The following LIPK variants were observed in gnomAD, a reference collection of about 807,000 sequenced individuals.
LIPK encodes lipase family member K, also known as lipase member K.
A neutral mutation model predicts 48.6 loss-of-function variants in LIPK; 32 were observed. The ratio of observed to expected loss-of-function variants is 0.66; its 90% confidence interval spans 0.50 to 0.88. The LOEUF (loss-of-function observed/expected upper bound fraction) is 0.88. Ranked by LOEUF, LIPK falls within the 40% of genes least tolerant of loss-of-function variation. LIPK has a pLI of 0.00. For missense variants in LIPK, 507 were observed against 478.5 expected (o/e 1.06, Z -0.56); for synonymous variants, 164 against 157.4 (o/e 1.04, Z -0.32).
intron 9 of LIPK, among the ~76,000 whole-genome samples, chr10:88,749,406 A>G (rs1315595467): frequency 1.3e-5 from 2 of 152,242 alleles, no homozygotes; most frequent in Non-Finnish European, 2.9e-5. Context: ...TATTGGTACA[A>G]AAACAGACAC....
intron 1 of LIPK, among the ~76,000 whole-genome samples, chr10:88,712,657 T>C (rs981391377): frequency 6.6e-6 from 1 of 152,148 alleles, no homozygotes; most frequent in Non-Finnish European, 1.5e-5. Context: ...AACACATACA[T>C]CAGCTTAGCC....
intron 9 of LIPK, among the ~76,000 whole-genome samples, chr10:88,746,270 A>G (rs400659): frequency 0.24 from 36,422 of 152,030 alleles, 4,518 homozygotes; most frequent in East Asian, 0.37. Flanking sequence ...ACACCTAACC[A>G]AATAGACTGA....
intron 1 of LIPK, among the ~76,000 whole-genome samples, chr10:88,720,715 G>GCACACACACA (rs3068334): frequency 0.044 from 6,625 of 150,144 alleles, 164 homozygotes; most frequent in African/African-American, 0.063. Flanking sequence ...CAAGTTTTAT[G>GCACACACACA]CACACACACA....
intron 7 of LIPK, among the ~76,000 whole-genome samples, chr10:88,738,976 T>C (rs1477457062): frequency 6.6e-6 from 1 of 152,238 alleles, no homozygotes; most frequent in African/African-American, 2.4e-5. Flanking sequence ...TTTGGATAGC[T>C]TATAAGTAGG....
In LIPK at chr10:88,726,874, A is replaced by G; in HGVS notation, c.185A>G (p.Tyr62Cys). The change falls in exon 3 of 10, where the codon TAT (tyrosine) becomes TGT (cysteine). Residue 62 changes from tyrosine to cysteine, a missense_variant. By Grantham distance (194) the Tyr-to-Cys change is radical. Transcript: ENST00000404190. ...TTKDGYILGIYRIPHGRGCPG... is the reference protein window; with the variant it reads ...TTKDGYILGICRIPHGRGCPG... The stretch of plus-strand genomic sequence containing the variant: ...AAAGATGGTTATATCCTTGGAATTT[A>G]TAGGATTCCACATGGAAGAGGATGC... 1.2e-6 allele frequency: 2 copies of G among 1,604,152 alleles called. No homozygotes were observed. Among genetic ancestry groups the G allele is most frequent in the Non-Finnish European group, 1.7e-6 (2 of 1,172,604 alleles).
intron 6 of LIPK, among the ~76,000 whole-genome samples, chr10:88,734,905 G>A (rs147637311): frequency 4.2e-4 from 64 of 152,254 alleles, no homozygotes; most frequent in African/African-American, 1.4e-3. Context: ...CCAGATGCTC[G>A]CAGGCATGCT....
At chr10:88,718,751 G>A (rs966319764) in intron 1 of LIPK, among the ~76,000 whole-genome samples, 10 of 152,024 alleles carry the variant, frequency 6.6e-5, no homozygotes, top group African/African-American at 2.4e-4. Flanking sequence ...GCTAGCGATG[G>A]AAAAATAATG....
At chr10:88,735,948 G>A (rs1459104986) in intron 6 of LIPK, among the ~76,000 whole-genome samples, 2 of 152,174 alleles carry the variant, frequency 1.3e-5, no homozygotes, top group Non-Finnish European at 2.9e-5. Context: ...GTCAGAGAAT[G>A]TCCTGCTAAT....
At chr10:88,743,567 CAG>C (rs1320519683) in intron 9 of LIPK, among the ~76,000 whole-genome samples, 1 of 142,620 alleles carries the variant, frequency 7.0e-6, no homozygotes, top group Non-Finnish European at 1.6e-5. Context: ...GGTAAATTAC[CAG>C]AGTTATTCGC....
chr10:88,711,899 A>C (rs887358432), intron 1 of LIPK, among the ~76,000 whole-genome samples: 3 of 152,180 alleles, frequency 2.0e-5, no homozygotes, highest in Admixed American at 6.5e-5. Context: ...GTTATCTTCT[A>C]ACAACTTTGT....
intron 7 of LIPK, 98 bp downstream of exon 7, chr10:88,737,879 C>T: frequency 7.5e-7 from 1 of 1,330,682 alleles, no homozygotes; most frequent in Admixed American, 2.0e-5. Flanking sequence ...TTCAAGGTTT[C>T]CTTTTTGCAT....
intron 1 of LIPK, among the ~76,000 whole-genome samples, chr10:88,715,763 CCTTTCTTTCTCTCTCT>C (rs1056130256): frequency 6.7e-6 from 1 of 150,088 alleles, no homozygotes; most frequent in Admixed American, 6.7e-5. Context: ...TTCTTTCTTT[CCTTTCTTTCTCTCTCT>C]CTTTCTTTCT....
At chr10:88,746,825 C>T (rs552223576) in intron 9 of LIPK, among the ~76,000 whole-genome samples, 144 of 152,096 alleles carry the variant, frequency 9.5e-4, no homozygotes, top group African/African-American at 3.5e-3. Flanking sequence ...AACAAAATCA[C>T]AAGTTGCTTC....
At chr10:88,732,673 C>A in intron 6 of LIPK, 122 bp downstream of exon 6, 2 of 1,003,574 alleles carry the variant, frequency 2.0e-6, no homozygotes, top group Non-Finnish European at 2.9e-6. Flanking sequence ...TCAAGATATC[C>A]ATGTAAGTTC....
intron 9 of LIPK, among the ~76,000 whole-genome samples, chr10:88,748,482 T>G (rs574776081): frequency 3.6e-4 from 54 of 151,956 alleles, no homozygotes; most frequent in Non-Finnish European, 7.5e-4. Flanking sequence ...CTGGGTGTGG[T>G]GGCAGGCACC....
At chr10:88,745,219 T>C (rs1842746547) in intron 9 of LIPK, among the ~76,000 whole-genome samples, 1 of 152,186 alleles carries the variant, frequency 6.6e-6, no homozygotes, top group Non-Finnish European at 1.5e-5. Context: ...GATGATATTG[T>C]CTATGAAAAT....
intron 1 of LIPK, among the ~76,000 whole-genome samples, chr10:88,707,217 G>A (rs1841952067): frequency 6.6e-6 from 1 of 151,954 alleles, no homozygotes; most frequent in Non-Finnish European, 1.5e-5. Flanking sequence ...ATAGCACCTT[G>A]GCATACTTAG....
In LIPK at chr10:88,732,235, A is replaced by G. The variant is rs1306285256; in HGVS notation, c.480A>G (p.Lys160=). 4 of 1,613,916 alleles carry G rather than the reference A, an allele frequency of 2.5e-6. No homozygotes were observed. The highest frequency in any genetic ancestry group is 3.4e-6 in the Non-Finnish European group (4 of 1,179,962). Residue 160 remains lysine, a synonymous_variant, in exon 5 of 10, where the codon AAA becomes AAG. Transcript: ENST00000404190. ...CCACAATCAATTTTATCATAGAGAA[A>G]ACTGGACAGAAGCGACTCTACTACG... is the stretch of plus-strand genomic sequence containing the variant. The part of the protein sequence containing the change: ...LPATINFIIE[K]TGQKRLYYVG...
At chr10:88,728,631 G>T (rs963238129) in intron 3 of LIPK, 2 of 489,098 alleles carry the variant, frequency 4.1e-6, no homozygotes, top group African/African-American at 2.0e-5. Flanking sequence ...CATCGAGAGC[G>T]CCACCTACAG....
Sources: allele counts gnomAD v4.1 joint callset (sites outside exome capture counted in the v4.1 genomes callset), GRCh38; gene constraint gnomAD v4.1.1; transcripts MANE v1.5; gene names NCBI Gene and HGNC (gene_info 2026-07-23, HGNC 2026-07-21).